KPNA1: variants seen among roughly 807,000 people sequenced by gnomAD.
KPNA1 encodes importin subunit alpha-5.
KPNA1 carries 10 observed loss-of-function variants against 70.5 expected under a neutral mutation model. The ratio of observed to expected loss-of-function variants is 0.14; its 90% confidence interval spans 0.09 to 0.24. The LOEUF (loss-of-function observed/expected upper bound fraction) is 0.24. Ranked by LOEUF, KPNA1 falls within the 10% of genes least tolerant of loss-of-function variation. The pLI, the probability that KPNA1 is intolerant of heterozygous loss-of-function variation, is 1.00. For synonymous variants in KPNA1, 192 were observed against 221.9 expected, an observed-to-expected ratio of 0.87 and a Z score of 1.20; for missense variants, 397 against 637.9, an observed-to-expected ratio of 0.62 and a Z score of 4.07.
chr3:122,429,057 T>TC (rs1347902024), intron 12 of KPNA1, among the ~76,000 whole-genome samples: 3 of 152,116 alleles, frequency 2.0e-5, no homozygotes, highest in African/African-American at 7.2e-5. Flanking sequence ...GCCAGGCTGA[T>TC]CCGTCATTTT....
intron 1 of KPNA1, among the ~76,000 whole-genome samples, chr3:122,507,147 A>G (rs2076899109): frequency 6.6e-6 from 1 of 152,220 alleles, no homozygotes; most frequent in Non-Finnish European, 1.5e-5. Flanking sequence ...GTAACTTAAG[A>G]AATCAGAATA....
At chr3:122,500,332 G>C (rs2076813036) in intron 1 of KPNA1, among the ~76,000 whole-genome samples, 1 of 152,034 alleles carries the variant, frequency 6.6e-6, no homozygotes, top group Non-Finnish European at 1.5e-5. Context: ...ATGTTGGCCA[G>C]GCTGGACTCA....
intron 5 of KPNA1, among the ~76,000 whole-genome samples, chr3:122,454,995 C>T (rs917859803): frequency 6.6e-6 from 1 of 152,132 alleles, no homozygotes; most frequent in Non-Finnish European, 1.5e-5. Context: ...CAGGTTGTTT[C>T]TTCCACCATT....
rs1050551632 is a variant in KPNA1 at position 122,441,664 on chromosome 3, G to A, written c.996+374C>T. Among the ~76,000 whole-genome samples the A allele has an allele frequency of 4.0e-5, 6 of 151,766 alleles. No individual in the cohort carries two copies. The South Asian group carries it at 1.0e-3, about 26-fold the overall frequency. On this transcript the variant is annotated intron_variant, in intron 10 of 13. Transcript: ENST00000344337. ...TGCCCAGGCTGGAGTGCAGTGGTGC[G>A]ATCTCGGCTCACTGCAACCTCTACC... is the stretch of plus-strand genomic sequence containing the variant.
intron 6 of KPNA1, among the ~76,000 whole-genome samples, chr3:122,453,165 G>A (rs768887281): frequency 6.6e-6 from 1 of 152,078 alleles, no homozygotes; most frequent in Non-Finnish European, 1.5e-5. Flanking sequence ...GGCTGGTCTC[G>A]AGCTCCTGGG....
intron 7 of KPNA1, 103 bp from the exon 8 acceptor site, chr3:122,451,736 T>C (rs979892544): frequency 3.0e-5 from 24 of 786,892 alleles, no homozygotes; most frequent in African/African-American, 1.9e-4. Context: ...TGTCTTCAGA[T>C]AGCTTTTCTC....
chr3:122,477,086 G>A (rs760991909), intron 2 of KPNA1, among the ~76,000 whole-genome samples: 1 of 152,144 alleles, frequency 6.6e-6, no homozygotes, highest in South Asian at 2.1e-4. Context: ...ACAACAGACC[G>A]ACGTTCTTAA....
At chr3:122,502,622 G>C (rs368677477) in intron 1 of KPNA1, among the ~76,000 whole-genome samples, 15 of 152,210 alleles carry the variant, frequency 9.9e-5, no homozygotes, top group African/African-American at 3.6e-4. Context: ...TGTCTACTCA[G>C]TGGAAATCTG....
At chr3:122,444,475 T>C (rs956763250) in intron 9 of KPNA1, among the ~76,000 whole-genome samples, 2 of 152,212 alleles carry the variant, frequency 1.3e-5, no homozygotes, top group African/African-American at 2.4e-5. Context: ...GAGACTGCAG[T>C]AGACACGCGT....
At chr3:122,433,531 G>A (rs1303053366) in intron 12 of KPNA1, 130 bp downstream of exon 12, 6 of 650,842 alleles carry the variant, frequency 9.2e-6, no homozygotes, top group South Asian at 5.9e-5. Flanking sequence ...TGGTAAGATC[G>A]TCTCTCACTT....
chr3:122,496,036 T>C (rs1422942736), intron 2 of KPNA1, among the ~76,000 whole-genome samples: 1 of 152,220 alleles, frequency 6.6e-6, no homozygotes, highest in African/African-American at 2.4e-5. Context: ...TTTCTTTTTG[T>C]GTATATTTTT....
chr3:122,445,545 G>A (rs1035993469), intron 9 of KPNA1, among the ~76,000 whole-genome samples: 4 of 152,084 alleles, frequency 2.6e-5, no homozygotes, highest in Non-Finnish European at 5.9e-5. Flanking sequence ...AGGAACAACC[G>A]GTACCAGCCA....
intron 10 of KPNA1, among the ~76,000 whole-genome samples, chr3:122,441,537 A>G (rs73190108): frequency 0.019 from 2,921 of 152,276 alleles, 86 homozygotes; most frequent in East Asian, 0.12. Context: ...GACAACCCCA[A>G]ACTACTACAA....
intron 5 of KPNA1, among the ~76,000 whole-genome samples, chr3:122,457,391 TG>T (rs56219326): frequency 0.19 from 25,431 of 130,836 alleles, 2,304 homozygotes; most frequent in East Asian, 0.36. Flanking sequence ...ATCATTAACC[TG>T]GGAAAAAAAA....
chr3:122,514,262 T>C (rs994279091), intron 1 of KPNA1, among the ~76,000 whole-genome samples: 1 of 151,894 alleles, frequency 6.6e-6, no homozygotes, highest in Non-Finnish European at 1.5e-5. Flanking sequence ...CGACCCGGTC[T>C]GTAACTTGTG....
At chr3:122,471,553 C>T (rs961016517) in intron 2 of KPNA1, among the ~76,000 whole-genome samples, 1 of 152,072 alleles carries the variant, frequency 6.6e-6, no homozygotes, top group Admixed American at 6.6e-5. Context: ...TAAAAGAAAG[C>T]GGAGTTGGCC....
In KPNA1 at chr3:122,486,413, A is replaced by C. The variant is rs79266739; in HGVS notation, c.129+10024T>G. On this transcript the variant is annotated intron_variant, in intron 2 of 13. Transcript: ENST00000344337. Reference sequence around the variant, plus strand: ...ATTCCATTTATGGTAACTAATCAGTAGTAACAGAAAATAGATCAGAGGAAA... The same window carrying C: ...ATTCCATTTATGGTAACTAATCAGTCGTAACAGAAAATAGATCAGAGGAAA... 5.4e-3 allele frequency among the ~76,000 whole-genome samples: 817 copies of C among 152,364 alleles called. 8 individuals carry two copies. The highest frequency in any genetic ancestry group is 0.018 in the African/African-American group (767 of 41,590).
chr3:122,449,186 A>C (rs1375271983), intron 9 of KPNA1, among the ~76,000 whole-genome samples: 1 of 152,260 alleles, frequency 6.6e-6, no homozygotes, highest in Non-Finnish European at 1.5e-5. Flanking sequence ...ATGATAAAGC[A>C]AAATAAGATT....
chr3:122,459,424 AAT>A, intron 5 of KPNA1: 1 of 985,440 alleles, frequency 1.0e-6, no homozygotes, highest in Non-Finnish European at 1.2e-6. Flanking sequence ...GCATGAACAA[AAT>A]AATTTTCCCT....
Sources: allele counts gnomAD v4.1 joint callset (sites outside exome capture counted in the v4.1 genomes callset), GRCh38; gene constraint gnomAD v4.1.1; transcripts MANE v1.5; gene names NCBI Gene and HGNC (gene_info 2026-07-23, HGNC 2026-07-21).